Variants in GCLM observed in about 807,000 individuals in gnomAD.
GCLM encodes the protein glutamate-cysteine ligase modifier subunit.
GCLM carries 15 observed loss-of-function variants against 36.0 expected under a neutral mutation model. The ratio of observed to expected loss-of-function variants is 0.42; its 90% CI spans 0.28 to 0.64. The LOEUF (loss-of-function observed/expected upper bound fraction) is 0.64, where lower values mean the gene tolerates loss of function less well. Among genes scored for constraint, GCLM ranks in the 30% least tolerant of loss-of-function variants. The probability of loss-of-function intolerance (pLI) is 0.25; values close to 1 mark genes in which losing one functional copy is unlikely to be tolerated. For missense variants in GCLM, 242 were observed against 325.5 expected (o/e 0.74, Z 1.97); for synonymous variants, 129 against 122.8 (o/e 1.05, Z -0.34).
intron 5 of GCLM, among the ~76,000 whole-genome samples, chr1:93,896,316 A>G (rs914503045): frequency 6.6e-6 from 1 of 152,184 alleles, no homozygotes; most frequent in Non-Finnish European, 1.5e-5. Context: ...ACTGAAGGAA[A>G]TGGCCTTAAT....
At chr1:93,895,360 A>T (rs1409334102) in intron 5 of GCLM, among the ~76,000 whole-genome samples, 1 of 152,066 alleles carries the variant, frequency 6.6e-6, no homozygotes, top group Non-Finnish European at 1.5e-5. Context: ...CCATTTAACA[A>T]TCTAATACAT....
chr1:93,898,408 G>A (rs1656818154), intron 3 of GCLM, among the ~76,000 whole-genome samples: 1 of 150,466 alleles, frequency 6.6e-6, no homozygotes, highest in African/African-American at 2.4e-5. Context: ...ATGAAGTAGG[G>A]CATAACATTA....
chr1:93,892,790 C>T lies in GCLM; in HGVS notation c.655+1824G>A, dbSNP rs1571197335. On this transcript the variant is annotated intron_variant, in intron 6 of 6. Coordinates refer to ENST00000370238, the MANE Select transcript of GCLM (RefSeq NM_002061.4). ...TAGGAACCTTAATCTTTTCCTACTT[C>T]CTTTCCTACTAGTAAAAGGATTGAG... 3.3e-5 allele frequency among the ~76,000 whole-genome samples: 5 copies of T among 152,170 alleles called. No individual in the cohort carries two copies. In the East Asian group the frequency reaches 9.7e-4, roughly 29 times the overall value.
At chr1:93,902,413 T>C (rs550235586) in intron 2 of GCLM, among the ~76,000 whole-genome samples, 39 of 151,532 alleles carry the variant, frequency 2.6e-4, no homozygotes, top group Middle Eastern at 3.4e-3. Flanking sequence ...CTCCTGACCT[T>C]GTGATCCGCC....
At chr1:93,906,966 G>A (rs1657165522) in intron 1 of GCLM, among the ~76,000 whole-genome samples, 3 of 152,138 alleles carry the variant, frequency 2.0e-5, no homozygotes, top group African/African-American at 7.2e-5. Flanking sequence ...AAAAATCTGG[G>A]CAGAGGTCAT....
intron 3 of GCLM, 140 bp from the exon 4 acceptor site, chr1:93,898,038 T>G (rs956085527): frequency 1.1e-5 from 5 of 452,272 alleles, no homozygotes; most frequent in Non-Finnish European, 1.9e-5. Context: ...CATAACTTTA[T>G]AGTTTTAATT....
intron 6 of GCLM, among the ~76,000 whole-genome samples, chr1:93,889,610 G>A (rs1369097630): frequency 6.6e-6 from 1 of 150,848 alleles, no homozygotes; most frequent in African/African-American, 2.4e-5. Flanking sequence ...TCCATATCTT[G>A]AATCTCTATA....
At position 93,909,182 on chromosome 1, in the gene GCLM, G is replaced by T; in HGVS notation, c.-19C>A. 1 of 1,239,900 alleles carries T rather than the reference G, an allele frequency of 8.1e-7. No homozygotes were observed. The highest frequency in any genetic ancestry group is 1.0e-6 in the Non-Finnish European group (1 of 993,362). The allele number at this position is 1,239,900 out of a possible 1,614,324, so 76.8% of individuals were successfully genotyped here. Reference sequence around the variant, plus strand: ...TGCCCATGGCAGCGGCCGCCCAGGGGCCGCGCAGCGAAGGGGCTGCGGGCG... The same window carrying T: ...TGCCCATGGCAGCGGCCGCCCAGGGTCCGCGCAGCGAAGGGGCTGCGGGCG... On this transcript the variant is annotated 5_prime_UTR_variant, in exon 1 of 7. Coordinates refer to ENST00000370238, the MANE Select transcript of GCLM (RefSeq NM_002061.4).
Position 93,898,303 on chromosome 1 carries a change from G to GAAAAAAAA in GCLM, c.278-413_278-406dup, listed in dbSNP as rs58007552. Among the ~76,000 whole-genome samples, 17 of 16,430 alleles carry GAAAAAAAA rather than the reference G, an allele frequency of 1.0e-3. 1 individual carries two copies. Among genetic ancestry groups the GAAAAAAAA allele is most frequent in the South Asian group, 3.1e-3 (1 of 326 alleles). 10.8% of individuals were successfully genotyped at this position (16,430 alleles called of 152,430 possible). A position where few individuals can be genotyped will look rare whatever the true frequency, so the allele number is the denominator to read the frequency against. On this transcript the variant is annotated intron_variant, in intron 3 of 6. Coordinates refer to ENST00000370238, the MANE Select transcript of GCLM (RefSeq NM_002061.4). Reference sequence around the variant, plus strand: ...TTGAAAATGTAATGAGAAGAAAACTGAAAAAAAAAAAAAAAAAAAAAAAAA... The same window carrying GAAAAAAAA: ...TTGAAAATGTAATGAGAAGAAAACTGAAAAAAAAAAAAAAAAAAAAAAAAAAAAAAAAA...
Position 93,889,134 on chromosome 1 carries a change from T to C in GCLM, c.681A>G (p.Gln227=), listed in dbSNP as rs757947171. 7 of 1,574,548 alleles carry C rather than the reference T, an allele frequency of 4.4e-6. No individual in the cohort carries two copies. In the Admixed American group the frequency reaches 1.2e-4, roughly 26 times the overall value. ...PKELLSEASF[Q]EALQESIPDI... is the part of the protein sequence containing the mutation. ...CAGGAATGCTTTCCTGAAGAGCTTCTTGGAAACTTGCTTCAGAAAGCAGTT... is the reference window on the plus strand; with the variant it reads ...CAGGAATGCTTTCCTGAAGAGCTTCCTGGAAACTTGCTTCAGAAAGCAGTT... Residue 227 remains glutamine (Q), a synonymous_variant, in exon 7 of 7, where the codon CAA becomes CAG. Coordinates refer to ENST00000370238, the MANE Select transcript of GCLM (RefSeq NM_002061.4).
At chr1:93,898,379 T>C (rs1160676230) in intron 3 of GCLM, among the ~76,000 whole-genome samples, 6 of 146,034 alleles carry the variant, frequency 4.1e-5, no homozygotes, top group Non-Finnish European at 7.5e-5. Flanking sequence ...TCAGACACTA[T>C]CTTCCAGTTT....
In GCLM at chr1:93,909,113, G is replaced by A. The variant is rs1308287599; in HGVS notation, c.51C>T (p.Thr17=). 2.2e-5 allele frequency: 31 copies of A among 1,439,718 alleles called. No homozygotes were observed. Among genetic ancestry groups the A allele is most frequent in the Non-Finnish European group, 2.6e-5 (29 of 1,095,550 alleles). 89.2% of individuals were successfully genotyped at this position (1,439,718 alleles called of 1,614,324 possible). A position where few individuals can be genotyped will look rare whatever the true frequency, so the allele number is the denominator to read the frequency against. The part of the protein sequence containing the change: ...AAKALLARAR[T]LHLQTGNLLN... ...GCAGGTTCCCCGTCTGCAGGTGCAG[G>A]GTGCGGGCCCGCGCCAGGAGCGCCT... Residue 17 remains threonine (T), a synonymous_variant, in exon 1 of 7, where the codon ACC becomes ACT. Transcript: ENST00000370238.
Position 93,896,755 on chromosome 1 carries a change from C to T in GCLM, c.403G>A (p.Gly135Arg). The change falls in exon 5 of 7, where the codon GGA becomes AGA. Residue 135 changes from glycine to arginine, a missense_variant. By Grantham distance (125) the Gly-to-Arg change is moderately radical. Coordinates refer to ENST00000370238, the MANE Select transcript of GCLM (RefSeq NM_002061.4). ...AAATGCTCCAAGGAAAGATTAACTC[C>T]ATCTTCAATAGGAGGTGAAGCAATG... ...VIIASPPIED[G>R]VNLSLEHLQP... 2 of 1,610,594 alleles carry T rather than the reference C, an allele frequency of 1.2e-6. No homozygotes were observed. The highest frequency in any genetic ancestry group is 1.7e-6 in the Non-Finnish European group (2 of 1,176,742).
chr1:93,894,349 C>A (rs1332050783), intron 6 of GCLM, among the ~76,000 whole-genome samples: 2 of 151,738 alleles, frequency 1.3e-5, no homozygotes, highest in African/African-American at 4.8e-5. Flanking sequence ...CTCAAAAGAT[C>A]TTTTCTGTGT....
At position 93,904,690 on chromosome 1, in the gene GCLM, T is replaced by C. The variant is rs550965492; in HGVS notation, c.127-102A>G. ...AATTTGATAAGCAGGAAAAAAAAGA[T>C]AGCAACAGGAAATACCATACAAACC... is the stretch of plus-strand genomic sequence containing the variant. On this transcript the variant is annotated intron_variant, in intron 1 of 6. Coordinates refer to ENST00000370238, the MANE Select transcript of GCLM (RefSeq NM_002061.4). 6.6e-5 allele frequency: 51 copies of C among 771,894 alleles called. No individual in the cohort carries two copies. The South Asian group carries it at 7.1e-4, about 11-fold the overall frequency. The allele number at this position is 771,894 out of a possible 1,614,324, so 47.8% of individuals were successfully genotyped here.
rs1656663982 is a variant in GCLM at position 93,894,708 on chromosome 1, T to A, written c.561A>T (p.Gln187His). 1 of 1,603,754 alleles carries A rather than the reference T, an allele frequency of 6.2e-7. No homozygotes were observed. The highest frequency in any genetic ancestry group is 1.7e-5 in the Admixed American group (1 of 59,946). The change falls in exon 6 of 7, where the codon CAA becomes CAT. Residue 187 changes from glutamine (Q) to histidine (H), a missense_variant. Gln to His is a conservative substitution (Grantham distance 24). Coordinates refer to ENST00000370238, the MANE Select transcript of GCLM (RefSeq NM_002061.4). ...QWAQVKPNSN[Q>H]VNLASCCVMP... Reference sequence around the variant, plus strand: ...TCACACAGCAGGAGGCAAGATTAACTTGGTTACTATTTGGTTTTACCTAGA... The same window carrying A: ...TCACACAGCAGGAGGCAAGATTAACATGGTTACTATTTGGTTTTACCTAGA...
At chr1:93,907,185 C>T (rs1289760632) in intron 1 of GCLM, among the ~76,000 whole-genome samples, 1 of 152,174 alleles carries the variant, frequency 6.6e-6, no homozygotes, top group South Asian at 2.1e-4. Context: ...TGTGCCTCCC[C>T]TTTTGCTCTT....
In GCLM at chr1:93,887,399, T is replaced by C. The variant is rs1656355440; in HGVS notation, c.*1591A>G. The C allele has an allele frequency of 6.6e-6, 1 of 152,192 alleles. No homozygotes were observed. The highest frequency in any genetic ancestry group is 1.5e-5 in the Non-Finnish European group (1 of 68,034). 9.4% of individuals were successfully genotyped at this position (152,192 alleles called of 1,614,324 possible). On this transcript the variant is annotated 3_prime_UTR_variant, in exon 7 of 7. Coordinates refer to ENST00000370238, the MANE Select transcript of GCLM (RefSeq NM_002061.4). ...TTTGAATATGGAACCATAGTTCTTT[T>C]TCCCTAGGTTGAGAAAACTTGAGCA...
intron 5 of GCLM, among the ~76,000 whole-genome samples, chr1:93,895,270 C>A (rs1656688099): frequency 6.6e-6 from 1 of 152,100 alleles, no homozygotes; most frequent in South Asian, 2.1e-4. Context: ...CCCACCTCGG[C>A]CTCCCAAAGT....
Sources: gnomAD v4.1 joint callset for allele counts (sites outside exome capture counted in the v4.1 genomes callset) on GRCh38, gnomAD v4.1.1 for gene constraint, MANE v1.5 for transcripts, NCBI Gene and HGNC (gene_info 2026-07-23, HGNC 2026-07-21) for gene names.